Variants in PRKAR1B observed in about 807,000 individuals in gnomAD.
PRKAR1B encodes the protein cAMP-dependent protein kinase type I-beta regulatory subunit.
Under a neutral mutation model 46.5 loss-of-function variants are expected in PRKAR1B, and 22 were observed. The ratio of observed to expected loss-of-function variants is 0.47; its 90% confidence interval spans 0.34 to 0.68. The LOEUF is 0.68. Ranked by LOEUF, PRKAR1B falls within the 30% of genes least tolerant of loss-of-function variation. PRKAR1B has a pLI of 0.01. For missense variants in PRKAR1B, 445 were observed against 535.6 expected (o/e 0.83, Z 1.67); for synonymous variants, 259 against 217.7 (o/e 1.19, Z -1.67).
chr7:724,422 G>T (rs1341744337), intron 1 of PRKAR1B, among the ~76,000 whole-genome samples: 1 of 152,164 alleles, frequency 6.6e-6, no homozygotes, highest in African/African-American at 2.4e-5. Flanking sequence ...GAGTTTCCCT[G>T]CACAGGCTCT....
intron 8 of PRKAR1B, among the ~76,000 whole-genome samples, chr7:584,188 G>GT (rs1378086810): frequency 6.6e-6 from 1 of 152,244 alleles, no homozygotes; most frequent in Non-Finnish European, 1.5e-5. Flanking sequence ...ACGGACTGGT[G>GT]TGGAGGGAAG....
At chr7:685,710 C>T (rs192774487) in intron 2 of PRKAR1B, among the ~76,000 whole-genome samples, 3 of 151,940 alleles carry the variant, frequency 2.0e-5, no homozygotes, top group Admixed American at 6.6e-5. Flanking sequence ...GACAATGAAA[C>T]GAAGCCTCCA....
chr7:606,265 G>A, intron 5 of PRKAR1B, 26 bp from the exon 6 acceptor site: 2 of 1,608,722 alleles, frequency 1.2e-6, no homozygotes, highest in Non-Finnish European at 1.7e-6. Context: ...AAAGTCAACA[G>A]ATACAAAGTA....
intron 8 of PRKAR1B, among the ~76,000 whole-genome samples, chr7:582,791 C>A (rs541243884): frequency 1.4e-4 from 22 of 152,376 alleles, no homozygotes; most frequent in Non-Finnish European, 2.2e-4. Flanking sequence ...GGCCGGACCA[C>A]CCAGGTCTGG....
chr7:638,805 G>A (rs369429816), intron 4 of PRKAR1B, among the ~76,000 whole-genome samples: 252 of 152,254 alleles, frequency 1.7e-3, no homozygotes, highest in Non-Finnish European at 3.1e-3. Context: ...GGCCGGGCGC[G>A]GGGGCTCACG....
intron 2 of PRKAR1B, among the ~76,000 whole-genome samples, chr7:700,847 A>G (rs1027275785): frequency 2.6e-5 from 4 of 152,182 alleles, no homozygotes; most frequent in Admixed American, 1.3e-4. Context: ...ATGACAGAGG[A>G]AAGACCTTGT....
chr7:579,491 C>A, intron 8 of PRKAR1B, 114 bp from the exon 9 acceptor site: 1 of 1,329,444 alleles, frequency 7.5e-7, no homozygotes. Flanking sequence ...ATCACAACAC[C>A]AGCTCCGTGA....
rs564432355 is a variant in PRKAR1B at position 706,668 on chromosome 7, G to A, written c.177+4661C>T. Among the ~76,000 whole-genome samples the A allele has an allele frequency of 1.2e-3, 167 of 144,252 alleles. 1 individual carries two copies. The highest frequency in any genetic ancestry group is 8.6e-3 in the South Asian group (39 of 4,548). The allele number at this position is 144,252 out of a possible 152,430, so 94.6% of individuals were successfully genotyped here. On this transcript the variant is annotated intron_variant, in intron 2 of 10. Coordinates refer to ENST00000537384, the MANE Select transcript of PRKAR1B (RefSeq NM_001164760.2). ...TCTCGATCTCCTGACCTCGTGATCCGCCCGCCTCAGCCTCCCAAAGTGCTG... is the reference window on the plus strand; with the variant it reads ...TCTCGATCTCCTGACCTCGTGATCCACCCGCCTCAGCCTCCCAAAGTGCTG...
chr7:562,225 A>G (rs935557188), intron 9 of PRKAR1B, among the ~76,000 whole-genome samples: 10 of 133,950 alleles, frequency 7.5e-5, no homozygotes, highest in African/African-American at 2.8e-4. Flanking sequence ...CCCAGGCTAC[A>G]GAGGCTCCTG....
chr7:581,183 G>C (rs181891620), intron 8 of PRKAR1B, among the ~76,000 whole-genome samples: 1,566 of 152,012 alleles, frequency 0.01, 73 homozygotes, highest in Admixed American at 0.082. Flanking sequence ...GGCGCCTGTA[G>C]TCCCAGCTAC....
intron 4 of PRKAR1B, among the ~76,000 whole-genome samples, chr7:647,410 C>G (rs1243126411): frequency 6.6e-6 from 1 of 152,048 alleles, no homozygotes; most frequent in Non-Finnish European, 1.5e-5. Context: ...ATCCATGCCC[C>G]CTCTATGATC....
intron 2 of PRKAR1B, among the ~76,000 whole-genome samples, chr7:683,381 A>G (rs1459487770): frequency 6.6e-6 from 1 of 152,146 alleles, no homozygotes; most frequent in Non-Finnish European, 1.5e-5. Flanking sequence ...AGAATTGGCC[A>G]TTTAAAGTCA....
In PRKAR1B at chr7:593,289, C is replaced by T. The variant is rs974266146; in HGVS notation, c.708+2857G>A. On this transcript the variant is annotated intron_variant, in intron 7 of 10. Transcript: ENST00000537384. This position sits in a 1 kb window ranked among gnomAD's most constrained non-coding sequence, Gnocchi z 6.1. ...TGGAGACACCAGACCGGGTCTCCCG[C>T]GTCCCCCAGGTCCCAGCACGTCCCA... Among the ~76,000 whole-genome samples, 2 of 152,142 alleles carry T rather than the reference C, an allele frequency of 1.3e-5. No homozygotes were observed. The highest frequency in any genetic ancestry group is 4.8e-5 in the African/African-American group (2 of 41,432).
At chr7:569,887 C>T (rs929812819) in intron 9 of PRKAR1B, among the ~76,000 whole-genome samples, 1 of 152,226 alleles carries the variant, frequency 6.6e-6, no homozygotes, top group Admixed American at 6.5e-5. Context: ...CTGGAACCGT[C>T]ACTGTCCCCG....
chr7:620,806 G>A (rs1200932498), intron 4 of PRKAR1B, among the ~76,000 whole-genome samples: 2 of 152,076 alleles, frequency 1.3e-5, no homozygotes, highest in Non-Finnish European at 2.9e-5. Flanking sequence ...GCATTGCCGG[G>A]ACCTCCCAAG....
intron 6 of PRKAR1B, among the ~76,000 whole-genome samples, chr7:605,529 A>G (rs1781976689): frequency 6.6e-6 from 1 of 152,182 alleles, no homozygotes; most frequent in Admixed American, 6.5e-5. Flanking sequence ...TTATTTACTT[A>G]GTTTTATACA....
chr7:715,923 G>T (rs1014944876), intron 1 of PRKAR1B, among the ~76,000 whole-genome samples: 8 of 152,106 alleles, frequency 5.3e-5, no homozygotes, highest in South Asian at 4.1e-4. Flanking sequence ...CACCGTGTTA[G>T]CCAGGATGGT....
chr7:608,282 C>G (rs1196295580), intron 4 of PRKAR1B: 2 of 152,188 alleles, frequency 1.3e-5, no homozygotes, highest in Admixed American at 1.3e-4. Context: ...GGGAGTGCAC[C>G]CACGGGGACA....
chr7:600,017 G>A (rs1020832322), intron 6 of PRKAR1B, among the ~76,000 whole-genome samples: 1 of 152,052 alleles, frequency 6.6e-6, no homozygotes, highest in African/African-American at 2.4e-5. Context: ...GAAGTCAATG[G>A]TGGGACAGGG....
Sources: allele counts gnomAD v4.1 joint callset (sites outside exome capture counted in the v4.1 genomes callset), GRCh38; gene constraint gnomAD v4.1.1; non-coding constraint Gnocchi (gnomAD v3.1); transcripts MANE v1.5; gene names NCBI Gene and HGNC (gene_info 2026-07-23, HGNC 2026-07-21).